Variants in RAB30 observed in about 807,000 individuals in gnomAD.
RAB30 encodes the protein RAB30, member RAS oncogene family.
In RAB30, 9 loss-of-function variants were observed where a neutral mutation model predicts 25.1. That is an observed-to-expected ratio of 0.36 (90% CI 0.22 to 0.63). The LOEUF (loss-of-function observed/expected upper bound fraction) is 0.63. Ranked by LOEUF, RAB30 falls within the 20% of genes least tolerant of loss-of-function variation. The pLI, the probability that RAB30 is intolerant of heterozygous loss-of-function variation, is 0.69. For missense variants in RAB30, 140 were observed against 243.5 expected, an observed-to-expected ratio of 0.58 and a Z score of 2.83; for synonymous variants, 77 against 86.4, an observed-to-expected ratio of 0.89 and a Z score of 0.60.
chr11:83,055,353 A>G (rs1349520964), intron 1 of RAB30, among the ~76,000 whole-genome samples: 3 of 152,370 alleles, frequency 2.0e-5, no homozygotes, highest in African/African-American at 7.2e-5. Flanking sequence ...TGGCTGGGAC[A>G]CCCACAATTA....
chr11:82,985,096 G>T (rs955823648), intron 4 of RAB30, among the ~76,000 whole-genome samples: 9 of 152,094 alleles, frequency 5.9e-5, no homozygotes, highest in African/African-American at 2.2e-4. Context: ...TCCTGCCTTG[G>T]CCTCCCGCTG....
Position 82,987,681 on chromosome 11 carries a change from A to G in RAB30, c.267T>C (p.Tyr89=), listed in dbSNP as rs773179125. ...YRSANALILT[Y]DITCEESFRC... Reference sequence around the variant, plus strand: ...GGAAGGATTCCTCACAGGTAATGTCATAGGTGAGGATCAAGGCATTGGCGC... The same window carrying G: ...GGAAGGATTCCTCACAGGTAATGTCGTAGGTGAGGATCAAGGCATTGGCGC... The change falls in exon 4 of 5, where the codon TAT becomes TAC. Residue 89 remains tyrosine, a synonymous_variant. Transcript: ENST00000527633. 1 of 1,613,002 alleles carries G rather than the reference A, an allele frequency of 6.2e-7. No homozygotes were observed. Among genetic ancestry groups the G allele is most frequent in the South Asian group, 1.1e-5 (1 of 91,030 alleles).
chr11:83,068,382 C>T (rs951402294), intron 1 of RAB30, among the ~76,000 whole-genome samples: 11 of 152,000 alleles, frequency 7.2e-5, no homozygotes, highest in African/African-American at 2.7e-4. Context: ...CTCATACAGA[C>T]GACAAAAATT....
intron 1 of RAB30, chr11:83,041,262 G>T: frequency 5.7e-6 from 1 of 175,662 alleles, no homozygotes; most frequent in Non-Finnish European, 1.3e-5. Flanking sequence ...GGATCTTCTG[G>T]TGACCAGGGA....
intron 1 of RAB30, among the ~76,000 whole-genome samples, chr11:83,055,489 A>G (rs1325054432): frequency 1.3e-5 from 2 of 151,104 alleles, no homozygotes; most frequent in African/African-American, 4.9e-5. Flanking sequence ...CACAAATTTT[A>G]TCCATCTTCT....
At chr11:83,061,710 C>CTTTTTTTTTTT (rs569263010) in intron 1 of RAB30, among the ~76,000 whole-genome samples, 11 of 79,860 alleles carry the variant, frequency 1.4e-4, no homozygotes, top group South Asian at 4.5e-4. Flanking sequence ...TCTTTCTTTT[C>CTTTTTTTTTTT]TTTTTTTTTT....
In RAB30 at chr11:82,974,584, A is replaced by G. The variant is rs1228438406; in HGVS notation, c.*7581T>C. On this transcript the variant is annotated 3_prime_UTR_variant, in exon 5 of 5. Coordinates refer to ENST00000527633, the MANE Select transcript of RAB30 (RefSeq NM_001286060.2). ...TGTATACAAATAATACTGATATCCT[A>G]TGCTTAAAACCAATAGCCAAATATC... 3.9e-5 allele frequency: 6 copies of G among 152,202 alleles called. No homozygotes were observed. Among genetic ancestry groups the G allele is most frequent in the East Asian group, 3.8e-4 (2 of 5,206 alleles). The allele number at this position is 152,202 out of a possible 1,614,324, so 9.4% of individuals were successfully genotyped here.
At chr11:83,018,720 T>G (rs564618227) in intron 1 of RAB30, among the ~76,000 whole-genome samples, 3 of 152,214 alleles carry the variant, frequency 2.0e-5, no homozygotes, top group Non-Finnish European at 4.4e-5. Context: ...ATTTATTTTG[T>G]TTTTGTTACA....
intron 1 of RAB30, among the ~76,000 whole-genome samples, chr11:83,019,586 G>A (rs996561292): frequency 6.6e-6 from 1 of 151,968 alleles, no homozygotes; most frequent in Non-Finnish European, 1.5e-5. Flanking sequence ...TTCCTTCAGG[G>A]CAGCAGACAT....
intron 1 of RAB30, among the ~76,000 whole-genome samples, chr11:83,017,292 G>A (rs1022584570): frequency 2.0e-5 from 3 of 152,142 alleles, no homozygotes; most frequent in South Asian, 2.1e-4. Context: ...AGCCGTGATA[G>A]TTCCAGTGCA....
In RAB30 at chr11:83,007,100, G is replaced by A. The variant is rs539667933; in HGVS notation, c.-8-9776C>T. Among the ~76,000 whole-genome samples, 4 of 152,312 alleles carry A rather than the reference G, an allele frequency of 2.6e-5. No individual in the cohort carries two copies. In the East Asian group the frequency reaches 7.7e-4, roughly 29 times the overall value. On this transcript the variant is annotated intron_variant, in intron 1 of 4. Coordinates refer to ENST00000527633, the MANE Select transcript of RAB30 (RefSeq NM_001286060.2). ...TTACAGAAATGAGATTTGAAACCAA[G>A]ATAGTGACTTGCCTCAGGCCACGCA...
intron 1 of RAB30, among the ~76,000 whole-genome samples, chr11:82,999,449 C>T (rs947315826): frequency 6.6e-6 from 1 of 152,228 alleles, no homozygotes; most frequent in African/African-American, 2.4e-5. Flanking sequence ...GGGCCAATAA[C>T]ACCTATACCA....
chr11:83,001,376 A>G (rs548643533), intron 1 of RAB30, among the ~76,000 whole-genome samples: 13 of 152,246 alleles, frequency 8.5e-5, no homozygotes, highest in African/African-American at 3.1e-4. Flanking sequence ...ACAGGGTCTC[A>G]CTATGTTACC....
At chr11:83,032,206 T>C (rs1375487486) in intron 1 of RAB30, among the ~76,000 whole-genome samples, 1 of 152,170 alleles carries the variant, frequency 6.6e-6, no homozygotes, top group Non-Finnish European at 1.5e-5. Flanking sequence ...TTAAACCCCC[T>C]GGGAATCTAA....
chr11:83,070,493 T>TG (rs1858810942), intron 1 of RAB30, among the ~76,000 whole-genome samples: 1 of 152,204 alleles, frequency 6.6e-6, no homozygotes, highest in Non-Finnish European at 1.5e-5. Context: ...GTTAAGCAAA[T>TG]ACTCTGGCAT....
chr11:82,987,568 C>T lies in RAB30; in HGVS notation c.361+19G>A, dbSNP rs1856760788. 1 of 1,580,134 alleles carries T rather than the reference C, an allele frequency of 6.3e-7. No homozygotes were observed. The highest frequency in any genetic ancestry group is 1.7e-5 in the Admixed American group (1 of 57,666). ...TAATGCCCACAAATCAATTTCCCTCCTCGTTAGCCCTTACTTACCCACTAA... is the reference window on the plus strand; with the variant it reads ...TAATGCCCACAAATCAATTTCCCTCTTCGTTAGCCCTTACTTACCCACTAA... On this transcript the variant is annotated intron_variant, in intron 4 of 4. Transcript: ENST00000527633.
chr11:83,005,191 G>GA (rs1164523566), intron 1 of RAB30, among the ~76,000 whole-genome samples: 2 of 152,202 alleles, frequency 1.3e-5, no homozygotes, highest in Non-Finnish European at 2.9e-5. Context: ...TTCTGCAAGT[G>GA]AGGAAACTGA....
At chr11:83,022,597 T>C (rs1857606704) in intron 1 of RAB30, among the ~76,000 whole-genome samples, 1 of 152,204 alleles carries the variant, frequency 6.6e-6, no homozygotes, top group Non-Finnish European at 1.5e-5. Flanking sequence ...ATTTTTGCAT[T>C]GCTTGAATTT....
At chr11:83,013,035 G>A (rs1317215699) in intron 1 of RAB30, among the ~76,000 whole-genome samples, 1 of 151,960 alleles carries the variant, frequency 6.6e-6, no homozygotes, top group Non-Finnish European at 1.5e-5. Flanking sequence ...CCTCCTCTAT[G>A]TTCTGCAGAG....
Sources: allele counts gnomAD v4.1 joint callset (sites outside exome capture counted in the v4.1 genomes callset), GRCh38; gene constraint gnomAD v4.1.1; transcripts MANE v1.5; gene names NCBI Gene and HGNC (gene_info 2026-07-23, HGNC 2026-07-21).